FRAS1: variants seen among roughly 807,000 people sequenced by gnomAD.
The protein encoded by FRAS1 is Fraser extracellular matrix complex subunit 1.
Under a neutral mutation model 435.2 loss-of-function variants are expected in FRAS1, and 290 were observed. The ratio of observed to expected loss-of-function variants is 0.67; its 90% CI spans 0.61 to 0.73. The LOEUF (loss-of-function observed/expected upper bound fraction) is 0.73. FRAS1 is among the 30% of genes least tolerant of loss of function. FRAS1 has a pLI of 0.00. For synonymous variants in FRAS1, 1,800 were observed against 1,851.0 expected, an observed-to-expected ratio of 0.97 and a Z score of 0.71; for missense variants, 4,860 against 5,001.5, an observed-to-expected ratio of 0.97 and a Z score of 0.85.
intron 6 of FRAS1, among the ~76,000 whole-genome samples, chr4:78,258,994 A>T (rs1164935202): frequency 7.4e-6 from 1 of 135,702 alleles, no homozygotes; most frequent in Non-Finnish European, 1.6e-5. Context: ...ACTGATAATG[A>T]TGATTTCCAA....
intron 4 of FRAS1, among the ~76,000 whole-genome samples, chr4:78,252,037 A>G (rs17455826): frequency 0.3 from 45,113 of 152,178 alleles, 7,181 homozygotes; most frequent in East Asian, 0.38. Context: ...GGATATAGTC[A>G]TTATGAAGAA....
chr4:78,114,511 A>G (rs1348869375), intron 2 of FRAS1, among the ~76,000 whole-genome samples: 1 of 139,980 alleles, frequency 7.1e-6, no homozygotes, highest in Non-Finnish European at 1.6e-5. Context: ...TTCATTGAGC[A>G]GTGGTTTGTA....
intron 2 of FRAS1, among the ~76,000 whole-genome samples, chr4:78,077,197 A>AACACACACACACACAC (rs10535451): frequency 2.5e-4 from 37 of 150,050 alleles, no homozygotes; most frequent in African/African-American, 7.4e-4. Flanking sequence ...GACACACAGA[A>AACACACACACACACAC]ACACACACAC....
At chr4:78,087,069 A>G (rs1741220129) in intron 2 of FRAS1, among the ~76,000 whole-genome samples, 1 of 152,360 alleles carries the variant, frequency 6.6e-6, no homozygotes, top group African/African-American at 2.4e-5. Context: ...CAAAAAGCCT[A>G]TCCACCATGA....
At chr4:78,250,532 C>CAT in intron 4 of FRAS1, among the ~76,000 whole-genome samples, 1 of 152,190 alleles carries the variant, frequency 6.6e-6, no homozygotes, top group Non-Finnish European at 1.5e-5. Context: ...CTTCAGATAA[C>CAT]ATATAAAAAG....
At position 78,307,124 on chromosome 4, in the gene FRAS1, C is replaced by G. The variant is rs1283294770; in HGVS notation, c.1535-942C>G. Among the ~76,000 whole-genome samples the G allele has an allele frequency of 2.3e-3, 346 of 151,994 alleles. 2 individuals carry two copies. In the Middle Eastern group the frequency reaches 0.024, roughly 11 times the overall value. ...TTCAGGTCTGTTGGAGTACCCGGCACTGTGAGGTGTCAGTCTGCCCCTGCT... is the reference window on the plus strand; with the variant it reads ...TTCAGGTCTGTTGGAGTACCCGGCAGTGTGAGGTGTCAGTCTGCCCCTGCT... On this transcript the variant is annotated intron_variant, in intron 14 of 73. Coordinates refer to ENST00000512123, the MANE Select transcript of FRAS1 (RefSeq NM_025074.7).
chr4:78,154,855 T>C (rs183220252), intron 2 of FRAS1, among the ~76,000 whole-genome samples: 1 of 152,336 alleles, frequency 6.6e-6, no homozygotes, highest in African/African-American at 2.4e-5. Flanking sequence ...TACCCAGTTC[T>C]TGACAATCTA....
intron 2 of FRAS1, among the ~76,000 whole-genome samples, chr4:78,163,617 T>C (rs1447318416): frequency 6.6e-6 from 1 of 152,198 alleles, no homozygotes; most frequent in Non-Finnish European, 1.5e-5. Flanking sequence ...TAAATTATGA[T>C]AAATGAAAAT....
chr4:78,379,888 T>C lies in FRAS1; in HGVS notation c.3455T>C (p.Val1152Ala), dbSNP rs763419245. Reference sequence around the variant, plus strand: ...AGCACTCCCACCAATGGTCAGCTAGTGCTCTCAAGAAATGGAAAAGAGGTT... The same window carrying C: ...AGCACTCCCACCAATGGTCAGCTAGCGCTCTCAAGAAATGGAAAAGAGGTT... Reference protein sequence around the residue: ...VVSTPTNGQLVLSRNGKEVQL... With the variant: ...VVSTPTNGQLALSRNGKEVQL... The change falls in exon 27 of 74, where the codon GTG (valine) becomes GCG (alanine). Residue 1152 changes from valine to alanine, a missense_variant. Transcript: ENST00000512123. 5 of 1,613,916 alleles carry C rather than the reference T, an allele frequency of 3.1e-6. No homozygotes were observed. In the South Asian group the frequency reaches 3.3e-5, roughly 11 times the overall value.
chr4:78,497,384 A>G (rs1450295718), intron 60 of FRAS1, among the ~76,000 whole-genome samples: 1 of 147,806 alleles, frequency 6.8e-6, no homozygotes, highest in East Asian at 2.0e-4. Context: ...GATTTGGCCT[A>G]CTAACCTAAA....
intron 4 of FRAS1, among the ~76,000 whole-genome samples, chr4:78,249,066 T>TATATATATATATGCATATATATATATGC (rs1553934038): frequency 1.0e-5 from 1 of 97,328 alleles, no homozygotes; most frequent in Non-Finnish European, 2.2e-5. Flanking sequence ...TATATATGCA[T>TATATATATATATGCATATATATATATGC]ATATATATAT....
At chr4:78,231,165 C>T (rs547686748) in intron 2 of FRAS1, among the ~76,000 whole-genome samples, 8 of 152,120 alleles carry the variant, frequency 5.3e-5, no homozygotes, top group Admixed American at 5.2e-4. Context: ...CCATGTTGGC[C>T]AGGCTGGTCT....
chr4:78,456,141 T>TTTTTTC (rs1553962169), intron 47 of FRAS1, among the ~76,000 whole-genome samples: 1 of 106,648 alleles, frequency 9.4e-6, no homozygotes, highest in Non-Finnish European at 1.7e-5. Flanking sequence ...CATGTCACTT[T>TTTTTTC]TTTTTTTTTT....
At chr4:78,395,502 T>G (rs535651249) in intron 29 of FRAS1, among the ~76,000 whole-genome samples, 54 of 152,156 alleles carry the variant, frequency 3.5e-4, no homozygotes, top group African/African-American at 1.3e-3. Context: ...ATTTCTCCCT[T>G]CAGTTCTGTT....
At chr4:78,195,730 G>A (rs1339501912) in intron 2 of FRAS1, among the ~76,000 whole-genome samples, 1 of 152,208 alleles carries the variant, frequency 6.6e-6, no homozygotes, top group Non-Finnish European at 1.5e-5. Flanking sequence ...CCCGGATGAG[G>A]CAATGCCTCA....
intron 30 of FRAS1, among the ~76,000 whole-genome samples, chr4:78,402,599 TA>T (rs368242211): frequency 2.2e-4 from 33 of 152,290 alleles, no homozygotes; most frequent in African/African-American, 7.9e-4. Context: ...TATCCTCCCC[TA>T]ATGTTAACGT....
intron 2 of FRAS1, among the ~76,000 whole-genome samples, chr4:78,216,313 T>C (rs1459437475): frequency 6.6e-6 from 1 of 152,216 alleles, no homozygotes; most frequent in Non-Finnish European, 1.5e-5. Flanking sequence ...TGGATGAATA[T>C]AACTATTATT....
At chr4:78,339,138 T>C (rs748927828) in intron 20 of FRAS1, among the ~76,000 whole-genome samples, 1 of 151,982 alleles carries the variant, frequency 6.6e-6, no homozygotes, top group African/African-American at 2.4e-5. Flanking sequence ...TCTTGGAAAG[T>C]GGGAAAAATG....
chr4:78,069,500 AC>A (rs1165501594), intron 2 of FRAS1, among the ~76,000 whole-genome samples: 2 of 152,148 alleles, frequency 1.3e-5, no homozygotes, highest in South Asian at 2.1e-4. Flanking sequence ...GGTCAGACAC[AC>A]CTGGTTTTGA....
Sources: gnomAD v4.1 joint callset for allele counts (sites outside exome capture counted in the v4.1 genomes callset) on GRCh38, gnomAD v4.1.1 for gene constraint, MANE v1.5 for transcripts, NCBI Gene and HGNC (gene_info 2026-07-23, HGNC 2026-07-21) for gene names.